Variants in IGF2R observed in about 807,000 individuals in gnomAD.
The protein encoded by IGF2R is insulin like growth factor 2 receptor.
In IGF2R, 91 loss-of-function variants were observed where a neutral mutation model predicts 270.6. The ratio of observed to expected loss-of-function variants is 0.34; its 90% CI spans 0.28 to 0.40. IGF2R has a LOEUF of 0.40. IGF2R is among the 10% of genes least tolerant of loss of function. The pLI is 1.00. For missense variants in IGF2R, 2,805 were observed against 3,188.3 expected, an observed-to-expected ratio of 0.88 and a Z score of 2.90; for synonymous variants, 1,316 against 1,258.9, an observed-to-expected ratio of 1.05 and a Z score of -0.96.
chr6:160,040,521 C>G lies in IGF2R; in HGVS notation c.1316-39C>G, dbSNP rs191655981. 3.8e-4 allele frequency: 602 copies of G among 1,589,294 alleles called. 1 individual carries two copies. The African/African-American group carries it at 7.5e-3, about 20-fold the overall frequency. On this transcript the variant is annotated intron_variant, in intron 10 of 47. Coordinates refer to ENST00000356956, the MANE Select transcript of IGF2R (RefSeq NM_000876.4). ...TCCTTAGCTGTTCCTCAATTTTGGT[C>G]ACGTATGGAGTTTAAATTTCTCCTC...
intron 1 of IGF2R, among the ~76,000 whole-genome samples, chr6:159,987,996 C>T (rs1045659087): frequency 6.6e-6 from 1 of 152,164 alleles, no homozygotes; most frequent in African/African-American, 2.4e-5. Context: ...CTCCCATAAC[C>T]ACTTACATTT....
chr6:160,110,743 A>G lies in IGF2R; in HGVS notation c.*5659A>G, dbSNP rs9365133. 0.2 allele frequency: 30,588 copies of G among 152,242 alleles called. 3,432 individuals carry two copies. The highest frequency in any genetic ancestry group is 0.4 in the East Asian group (2,056 of 5,178). 9.4% of individuals were successfully genotyped at this position (152,242 alleles called of 1,614,324 possible). ...CACACAGTGGAATACCAAGTCTTGCAGAAGAAGGAAATCCTGTCATTTGTG... is the reference window on the plus strand; with the variant it reads ...CACACAGTGGAATACCAAGTCTTGCGGAAGAAGGAAATCCTGTCATTTGTG... On this transcript the variant is annotated 3_prime_UTR_variant, in exon 48 of 48. Transcript: ENST00000356956.
intron 4 of IGF2R, among the ~76,000 whole-genome samples, chr6:160,022,817 C>T (rs1777468332): frequency 6.6e-6 from 1 of 152,080 alleles, no homozygotes; most frequent in African/African-American, 2.4e-5. Context: ...TCAGAAGAGG[C>T]CTTACTAAGG....
In IGF2R at chr6:160,084,217, C is replaced by T. The variant is rs767270211; in HGVS notation, c.6068+33C>T. 5.3e-6 allele frequency: 7 copies of T among 1,309,288 alleles called. No homozygotes were observed. In the East Asian group the frequency reaches 6.9e-5, roughly 13 times the overall value. The allele number at this position is 1,309,288 out of a possible 1,614,324, so 81.1% of individuals were successfully genotyped here. A position where few individuals can be genotyped will look rare whatever the true frequency, so the allele number is the denominator to read the frequency against. On this transcript the variant is annotated intron_variant, in intron 40 of 47. Coordinates refer to ENST00000356956, the MANE Select transcript of IGF2R (RefSeq NM_000876.4). The surrounding 1 kb of genome is among the most constrained non-coding windows in gnomAD (Gnocchi z 4.6). ...CCTTCCCAGTCCACCCGCGGCGCCA[C>T]ACCCTCAGCATGTGAACTTCAGACT... is the stretch of plus-strand genomic sequence containing the variant.
chr6:160,070,313 C>T (rs1001700951), intron 31 of IGF2R, among the ~76,000 whole-genome samples: 1 of 152,180 alleles, frequency 6.6e-6, no homozygotes, highest in South Asian at 2.1e-4. Context: ...TTGACTCAGA[C>T]CCCTAAAGGC....
intron 44 of IGF2R, chr6:160,092,980 T>G (rs1779262433): frequency 6.6e-6 from 1 of 152,294 alleles, no homozygotes; most frequent in Non-Finnish European, 1.5e-5. Flanking sequence ...AACTTCAGAT[T>G]TACCCTTTCA....
chr6:160,073,746 C>T lies in IGF2R; in HGVS notation c.4948-11C>T, dbSNP rs887962828. The stretch of plus-strand genomic sequence containing the variant: ...TTTTGTAGACTCAAAGCAGTCTTTC[C>T]TACTTAACAGACCGAATGTTCCGTG... On this transcript the variant is annotated splice_polypyrimidine_tract_variant and intron_variant, in intron 34 of 47. Coordinates refer to ENST00000356956, the MANE Select transcript of IGF2R (RefSeq NM_000876.4). 11 of 1,611,068 alleles carry T rather than the reference C, an allele frequency of 6.8e-6. No individual in the cohort carries two copies. The highest frequency in any genetic ancestry group is 8.5e-6 in the Non-Finnish European group (10 of 1,177,378).
At chr6:160,024,302 G>A (rs896890977) in intron 4 of IGF2R, among the ~76,000 whole-genome samples, 3 of 152,030 alleles carry the variant, frequency 2.0e-5, no homozygotes, top group African/African-American at 7.3e-5. Context: ...GCATGCTGAC[G>A]GAAACGATCC....
intron 44 of IGF2R, among the ~76,000 whole-genome samples, chr6:160,091,626 G>C (rs549467242): frequency 6.6e-6 from 1 of 152,228 alleles, no homozygotes; most frequent in Non-Finnish European, 1.5e-5. Context: ...TCCACAGCAC[G>C]GAGCTAGCAC....
intron 4 of IGF2R, among the ~76,000 whole-genome samples, chr6:160,021,443 T>C (rs1263276230): frequency 1.1e-5 from 1 of 90,346 alleles, no homozygotes; most frequent in East Asian, 3.6e-4. Context: ...GGGACTGTTG[T>C]GGGGTGGGGG....
At chr6:160,035,803 G>C (rs1361178300) in intron 10 of IGF2R, among the ~76,000 whole-genome samples, 1 of 152,222 alleles carries the variant, frequency 6.6e-6, no homozygotes, top group Non-Finnish European at 1.5e-5. Context: ...TGCTAGAGTA[G>C]AGCGAGTGCT....
chr6:160,102,436 C>T lies in IGF2R; in HGVS notation c.6843-83C>T. On this transcript the variant is annotated intron_variant, in intron 45 of 47. Transcript: ENST00000356956. This position sits in a 1 kb window ranked among gnomAD's most constrained non-coding sequence, Gnocchi z 4.5. ...GTTGGGAAAGTCAGAGCTGCTCTTG[C>T]CTTGGGGACTCAGGTCTCAGGTTGT... The T allele has an allele frequency of 6.8e-7, 1 of 1,480,484 alleles. No individual in the cohort carries two copies. The highest frequency in any genetic ancestry group is 9.3e-7 in the Non-Finnish European group (1 of 1,076,878). 91.7% of individuals were successfully genotyped at this position (1,480,484 alleles called of 1,614,324 possible). A position where few individuals can be genotyped will look rare whatever the true frequency, so the allele number is the denominator to read the frequency against.
At chr6:160,072,115 G>A (rs1778754765) in intron 32 of IGF2R, 79 bp downstream of exon 32, 30 of 1,581,340 alleles carry the variant, frequency 1.9e-5, no homozygotes, top group Non-Finnish European at 2.6e-5. Context: ...TCAGGGGAGA[G>A]ACCCAAAGAG....
intron 22 of IGF2R, among the ~76,000 whole-genome samples, chr6:160,059,466 G>A (rs1386479065): frequency 2.0e-5 from 3 of 151,992 alleles, no homozygotes; most frequent in Non-Finnish European, 4.4e-5. Context: ...CTGTATGTGT[G>A]TATAGGAAAC....
chr6:160,001,131 A>C (rs1164439725), intron 2 of IGF2R, among the ~76,000 whole-genome samples: 1 of 152,188 alleles, frequency 6.6e-6, no homozygotes, highest in Non-Finnish European at 1.5e-5. Context: ...TGGGCTGCAC[A>C]GCAGGAGGTG....
rs747718589 is a variant in IGF2R, at chr6:160,104,959, G to A, written c.7351G>A (p.Val2451Met). 5.0e-6 allele frequency: 8 copies of A among 1,614,008 alleles called. No individual in the cohort carries two copies. In the African/African-American group the frequency reaches 1.1e-4, roughly 22 times the overall value. ...NALQEREDDR[V>M]GLVRGEKARK... ...CCTTCAGGAGCGTGAGGACGATAGG[G>A]TGGGGCTGGTCAGGGGTGAGAAGGC... The change falls in exon 48 of 48, where the codon GTG becomes ATG. Residue 2451 changes from valine to methionine, a missense_variant. By Grantham distance (21) the Val-to-Met change is conservative. Around this residue, in one of 2 missense-constraint regions of IGF2R, gnomAD observed 1,851 missense variants for 2,207.2 expected, o/e 0.84. Coordinates refer to ENST00000356956, the MANE Select transcript of IGF2R (RefSeq NM_000876.4).
At chr6:159,982,381 G>C (rs1030781418) in intron 1 of IGF2R, among the ~76,000 whole-genome samples, 1 of 152,182 alleles carries the variant, frequency 6.6e-6, no homozygotes, top group African/African-American at 2.4e-5. Context: ...GAGGACTTGC[G>C]TGCATGTCGA....
chr6:160,066,333 A>G (rs1778585212), intron 29 of IGF2R, among the ~76,000 whole-genome samples: 1 of 151,560 alleles, frequency 6.6e-6, no homozygotes. Context: ...TATTTTTAGT[A>G]GAGACAGGGT....
At chr6:160,023,601 T>C (rs1346756912) in intron 4 of IGF2R, among the ~76,000 whole-genome samples, 1 of 152,104 alleles carries the variant, frequency 6.6e-6, no homozygotes, top group Non-Finnish European at 1.5e-5. Flanking sequence ...GTATGGCACG[T>C]GGGGAAGCTG....
Sources: gnomAD v4.1 joint callset for allele counts (sites outside exome capture counted in the v4.1 genomes callset) on GRCh38, gnomAD v4.1.1 for gene constraint, gnomAD v4.1.1 regional missense constraint, Gnocchi (gnomAD v3.1) non-coding constraint, MANE v1.5 for transcripts, NCBI Gene and HGNC (gene_info 2026-07-23, HGNC 2026-07-21) for gene names.